Variants in B4GALT1 observed in about 807,000 individuals in gnomAD.
B4GALT1 encodes N-acetyllactosamine synthase.
Under a neutral mutation model 34.9 loss-of-function variants are expected in B4GALT1, and 16 were observed. That is an observed-to-expected ratio of 0.46 (90% CI 0.31 to 0.70). B4GALT1 has a LOEUF of 0.70. B4GALT1 is among the 30% of genes least tolerant of loss of function. The pLI is 0.05. For synonymous variants in B4GALT1, 221 were observed against 218.1 expected (o/e 1.01, Z -0.12); for missense variants, 445 against 530.5 (o/e 0.84, Z 1.58).
intron 2 of B4GALT1, among the ~76,000 whole-genome samples, chr9:33,132,868 C>T (rs1243635531): frequency 6.6e-6 from 1 of 152,080 alleles, no homozygotes; most frequent in African/African-American, 2.4e-5. Flanking sequence ...ACTCTTTTAT[C>T]CTCTTTACCC....
At chr9:33,124,770 T>C (rs2118082721) in intron 2 of B4GALT1, among the ~76,000 whole-genome samples, 1 of 152,340 alleles carries the variant, frequency 6.6e-6, no homozygotes, top group South Asian at 2.1e-4. Flanking sequence ...TTCTGTAGTG[T>C]TTGCTTCAAA....
Position 33,115,982 on chromosome 9 carries a change from G to T in B4GALT1, c.959+9C>A. The T allele has an allele frequency of 1.9e-6, 3 of 1,608,672 alleles. No homozygotes were observed. In the South Asian group the frequency reaches 3.3e-5, roughly 18 times the overall value. ...CAGAGGAGAAAGATATCTAAGTTAT[G>T]ACCATTACCTGTTAAAAATGTCATC... On this transcript the variant is annotated intron_variant, in intron 4 of 5. Transcript: ENST00000379731.
the B4GALT1 span, among the ~76,000 whole-genome samples, chr9:33,173,610 G>C: frequency 6.6e-6 from 1 of 151,516 alleles, no homozygotes; most frequent in African/African-American, 2.4e-5. Flanking sequence ...GTGTGTGTGT[G>C]TGTGTGTGTG....
At chr9:33,144,002 T>TC (rs1340031002) in intron 1 of B4GALT1, among the ~76,000 whole-genome samples, 7 of 151,812 alleles carry the variant, frequency 4.6e-5, no homozygotes, top group Admixed American at 4.6e-4. Context: ...GGTCTCGGCC[T>TC]CCTGAGTAGC....
intron 3 of B4GALT1, among the ~76,000 whole-genome samples, chr9:33,116,909 T>C (rs1839948297): frequency 6.6e-6 from 1 of 152,234 alleles, no homozygotes; most frequent in Non-Finnish European, 1.5e-5. Flanking sequence ...AGGGCTCAGA[T>C]GACCTTAAAT....
the B4GALT1 span, chr9:33,178,803 T>C: frequency 6.6e-6 from 1 of 152,270 alleles, no homozygotes; most frequent in African/African-American, 2.4e-5. Flanking sequence ...CCATAACTAA[T>C]TGCTAATTAG....
chr9:33,152,936 C>T (rs749078097), intron 1 of B4GALT1, among the ~76,000 whole-genome samples: 1 of 152,090 alleles, frequency 6.6e-6, no homozygotes, highest in African/African-American at 2.4e-5. Flanking sequence ...TGGTGGCTCA[C>T]GCCTATAGTC....
chr9:33,136,506 T>C (rs1294302052), intron 1 of B4GALT1, among the ~76,000 whole-genome samples: 2 of 152,306 alleles, frequency 1.3e-5, no homozygotes, highest in East Asian at 3.9e-4. Context: ...AGATGCTTAA[T>C]GGAAAAACAT....
downstream of B4GALT1, chr9:33,108,765 C>T (rs1432043646): frequency 6.6e-6 from 1 of 151,956 alleles, no homozygotes; most frequent in Non-Finnish European, 1.5e-5. Flanking sequence ...CTCACTCAGA[C>T]CTGACAGCTT....
downstream of B4GALT1, among the ~76,000 whole-genome samples, chr9:33,107,271 T>C (rs1424910858): frequency 6.6e-6 from 1 of 152,174 alleles, no homozygotes; most frequent in Non-Finnish European, 1.5e-5. Flanking sequence ...CTTTCTGGCA[T>C]GGTAAGAAGT....
chr9:33,166,428 C>T (rs1227361712), intron 1 of B4GALT1, among the ~76,000 whole-genome samples: 1 of 152,174 alleles, frequency 6.6e-6, no homozygotes, highest in Non-Finnish European at 1.5e-5. Flanking sequence ...CTGCTCGAAG[C>T]CCTAAGCAGA....
At position 33,113,294 on chromosome 9, in the gene B4GALT1, C is replaced by T. The variant is rs1461987506; in HGVS notation, c.*160G>A. 2 of 1,080,882 alleles carry T rather than the reference C, an allele frequency of 1.9e-6. No individual in the cohort carries two copies. The highest frequency in any genetic ancestry group is 4.9e-5 in the East Asian group (2 of 40,616). The allele number at this position is 1,080,882 out of a possible 1,614,324, so 67.0% of individuals were successfully genotyped here. A position where few individuals can be genotyped will look rare whatever the true frequency, so the allele number is the denominator to read the frequency against. On this transcript the variant is annotated 3_prime_UTR_variant, in exon 6 of 6. Coordinates refer to ENST00000379731, the MANE Select transcript of B4GALT1 (RefSeq NM_001497.4). The stretch of plus-strand genomic sequence containing the variant: ...CCGAGCCAAGTTGGGGGCAAAATAT[C>T]CCACTCGTCCTGGTCATCTGGAAAG...
chr9:33,156,220 G>A (rs192724870), intron 1 of B4GALT1, among the ~76,000 whole-genome samples: 33 of 151,856 alleles, frequency 2.2e-4, no homozygotes, highest in Admixed American at 1.4e-3. Flanking sequence ...TGCAACCTCC[G>A]CCTCCCAGGT....
chr9:33,181,423 TACACAC>T, the B4GALT1 span, among the ~76,000 whole-genome samples: 32 of 137,146 alleles, frequency 2.3e-4, no homozygotes, highest in South Asian at 5.0e-4. Context: ...GACCCTGTCT[TACACAC>T]ACACACACAC....
At chr9:33,118,451 C>A (rs1564037174) in intron 3 of B4GALT1, among the ~76,000 whole-genome samples, 1 of 151,864 alleles carries the variant, frequency 6.6e-6, no homozygotes, top group Non-Finnish European at 1.5e-5. Flanking sequence ...CTTGAGCCCC[C>A]AGGAGTTCAA....
chr9:33,122,537 C>G (rs1169194462), intron 2 of B4GALT1, among the ~76,000 whole-genome samples: 2 of 151,586 alleles, frequency 1.3e-5, no homozygotes, highest in Non-Finnish European at 2.9e-5. Flanking sequence ...TAAATAAAAC[C>G]AAGACCTGGA....
chr9:33,114,831 A>G (rs1839916415), intron 4 of B4GALT1, among the ~76,000 whole-genome samples: 1 of 152,044 alleles, frequency 6.6e-6, no homozygotes, highest in South Asian at 2.1e-4. Flanking sequence ...TTTATCTTTC[A>G]AGAAAGTTGC....
chr9:33,115,461 CTTA>C (rs1839925500), intron 4 of B4GALT1, among the ~76,000 whole-genome samples: 1 of 152,192 alleles, frequency 6.6e-6, no homozygotes, highest in Non-Finnish European at 1.5e-5. Context: ...GATTTACCAG[CTTA>C]AAAAGAGCCC....
rs527240435 is a variant in B4GALT1 at position 33,111,410 on chromosome 9, C to T, written c.*2044G>A. ...GCGGACAGAAAGAGAGGCTTTCATTCTTCTTATTTCCCACAACTCCCTCTC... is the reference window on the plus strand; with the variant it reads ...GCGGACAGAAAGAGAGGCTTTCATTTTTCTTATTTCCCACAACTCCCTCTC... On this transcript the variant is annotated 3_prime_UTR_variant, in exon 6 of 6. Transcript: ENST00000379731. The T allele has an allele frequency of 6.6e-6, 1 of 152,486 alleles. No homozygotes were observed. The highest frequency in any genetic ancestry group is 2.1e-4 in the South Asian group (1 of 4,820). 9.4% of individuals were successfully genotyped at this position (152,486 alleles called of 1,614,324 possible). A position where few individuals can be genotyped will look rare whatever the true frequency, so the allele number is the denominator to read the frequency against.
Sources: allele counts gnomAD v4.1 joint callset (sites outside exome capture counted in the v4.1 genomes callset), GRCh38; gene constraint gnomAD v4.1.1; transcripts MANE v1.5; gene names NCBI Gene and HGNC (gene_info 2026-07-23, HGNC 2026-07-21).